Variants in GPR39 observed in about 807,000 individuals in gnomAD.
GPR39 encodes G protein-coupled receptor 39.
In GPR39, 23 loss-of-function variants were observed where a neutral mutation model predicts 18.4. The ratio of observed to expected loss-of-function variants is 1.25; its 90% CI spans 0.90 to 1.77. GPR39 has a LOEUF of 1.77. Among genes scored for constraint, GPR39 ranks in the 40% most tolerant of loss-of-function variants. The pLI, the probability that GPR39 is intolerant of heterozygous loss-of-function variation, is 0.00. For missense variants in GPR39, 647 were observed against 602.4 expected, an observed-to-expected ratio of 1.07 and a Z score of -0.78; for synonymous variants, 280 against 257.9, an observed-to-expected ratio of 1.09 and a Z score of -0.82.
chr2:132,561,899 T>C (rs1345586118), intron 1 of GPR39, among the ~76,000 whole-genome samples: 1 of 152,176 alleles, frequency 6.6e-6, no homozygotes, highest in Non-Finnish European at 1.5e-5. Context: ...CATTTAGGCT[T>C]TCAGCTGATT....
intron 1 of GPR39, among the ~76,000 whole-genome samples, chr2:132,491,665 G>A (rs1021891335): frequency 6.6e-6 from 1 of 151,892 alleles, no homozygotes; most frequent in Non-Finnish European, 1.5e-5. Flanking sequence ...TGTGGGGAAG[G>A]GGTTAGGAAT....
intron 1 of GPR39, among the ~76,000 whole-genome samples, chr2:132,636,385 G>A (rs1681756482): frequency 6.6e-6 from 1 of 152,130 alleles, no homozygotes; most frequent in Admixed American, 6.5e-5. Context: ...GTCCTCCCAG[G>A]GTCTGGGAGC....
chr2:132,550,306 G>A (rs1680019794), intron 1 of GPR39, among the ~76,000 whole-genome samples: 1 of 152,206 alleles, frequency 6.6e-6, no homozygotes. Context: ...GGAGGCGTTG[G>A]ATCAGTCCCC....
At position 132,615,745 on chromosome 2, in the gene GPR39, A is replaced by G. The variant is rs75060703; in HGVS notation, c.857-29356A>G. Among the ~76,000 whole-genome samples the G allele has an allele frequency of 2.5e-3, 376 of 152,276 alleles. 2 individuals are homozygous for G. Among genetic ancestry groups the G allele is most frequent in the African/African-American group, 8.6e-3 (358 of 41,550 alleles). On this transcript the variant is annotated intron_variant, in intron 1 of 1. Coordinates refer to ENST00000329321, the MANE Select transcript of GPR39 (RefSeq NM_001508.3). Reference sequence around the variant, plus strand: ...ATATTTAATTGAAATTCTACTTTTTAGAGGTTCACTTGCAAGTCACTGTTT... The same window carrying G: ...ATATTTAATTGAAATTCTACTTTTTGGAGGTTCACTTGCAAGTCACTGTTT...
At chr2:132,508,950 G>A (rs1424643342) in intron 1 of GPR39, among the ~76,000 whole-genome samples, 3 of 152,194 alleles carry the variant, frequency 2.0e-5, no homozygotes. Flanking sequence ...CATTAAATTT[G>A]CAAGCTCTTT....
intron 1 of GPR39, among the ~76,000 whole-genome samples, chr2:132,541,153 G>A (rs922850195): frequency 7.2e-5 from 11 of 151,990 alleles, no homozygotes; most frequent in African/African-American, 1.4e-4. Flanking sequence ...GCACAATCTC[G>A]GCTCACTGCA....
In GPR39 at chr2:132,530,055, G is replaced by C. The variant is rs939464178; in HGVS notation, c.856+112157G>C. ...AGCCTTCAGAAGATCAACCTACTCT[G>C]AGCTAAAGGAGGAAGTTCGAACCAA... On this transcript the variant is annotated intron_variant, in intron 1 of 1. Coordinates refer to ENST00000329321, the MANE Select transcript of GPR39 (RefSeq NM_001508.3). 3.9e-5 allele frequency among the ~76,000 whole-genome samples: 6 copies of C among 152,084 alleles called. No homozygotes were observed. In the East Asian group the frequency reaches 1.2e-3, roughly 29 times the overall value.
intron 1 of GPR39, among the ~76,000 whole-genome samples, chr2:132,549,141 C>A (rs973153159): frequency 2.0e-5 from 3 of 152,170 alleles, no homozygotes; most frequent in Non-Finnish European, 2.9e-5. Flanking sequence ...TAGGCAGGAG[C>A]AGAGCCTTGC....
chr2:132,446,430 G>A (rs1252717600), intron 1 of GPR39, among the ~76,000 whole-genome samples: 9 of 152,232 alleles, frequency 5.9e-5, no homozygotes, highest in Non-Finnish European at 1.2e-4. Context: ...TGCCTTGGAA[G>A]CATTCATTTA....
intron 1 of GPR39, among the ~76,000 whole-genome samples, chr2:132,601,683 T>G: frequency 6.6e-6 from 1 of 151,820 alleles, no homozygotes; most frequent in Admixed American, 6.5e-5. Flanking sequence ...GCCTAAAGAC[T>G]TCACCAAAAA....
intron 1 of GPR39, among the ~76,000 whole-genome samples, chr2:132,582,342 A>G (rs1473861870): frequency 6.6e-6 from 1 of 152,256 alleles, no homozygotes. Flanking sequence ...GTTTCAATTC[A>G]TGATTACATG....
chr2:132,469,376 G>C (rs1680988152), intron 1 of GPR39, among the ~76,000 whole-genome samples: 1 of 152,208 alleles, frequency 6.6e-6, no homozygotes, highest in South Asian at 2.1e-4. Flanking sequence ...TTAATGAAAG[G>C]TTATATTGGC....
intron 1 of GPR39, among the ~76,000 whole-genome samples, chr2:132,609,683 G>C (rs1316590785): frequency 6.6e-6 from 1 of 152,192 alleles, no homozygotes; most frequent in African/African-American, 2.4e-5. Context: ...AATCACTGCA[G>C]TCCCCTTCTG....
chr2:132,637,998 AG>A (rs752036780), intron 1 of GPR39, among the ~76,000 whole-genome samples: 2 of 152,186 alleles, frequency 1.3e-5, no homozygotes, highest in Non-Finnish European at 2.9e-5. Flanking sequence ...GTAGGGAGCA[AG>A]AGGGAAAAAT....
intron 1 of GPR39, among the ~76,000 whole-genome samples, chr2:132,527,865 C>T (rs1679542124): frequency 6.6e-6 from 1 of 150,452 alleles, no homozygotes; most frequent in South Asian, 2.1e-4. Context: ...GATTGCAAAA[C>T]TTTTCTTCAC....
rs151117079 is a variant in GPR39, at chr2:132,464,448, C to T, written c.856+46550C>T. On this transcript the variant is annotated intron_variant, in intron 1 of 1. Coordinates refer to ENST00000329321, the MANE Select transcript of GPR39 (RefSeq NM_001508.3). ...ATGCCTAGACTATTTGTACAAACAA[C>T]CTAGTTTATTCTGATCACTCATTTC... 3.5e-3 allele frequency among the ~76,000 whole-genome samples: 538 copies of T among 152,280 alleles called. 3 individuals carry two copies. The highest frequency in any genetic ancestry group is 0.012 in the African/African-American group (493 of 41,560).
intron 1 of GPR39, among the ~76,000 whole-genome samples, chr2:132,545,502 T>TA (rs1558834474): frequency 6.6e-6 from 1 of 152,152 alleles, no homozygotes; most frequent in Non-Finnish European, 1.5e-5. Context: ...ATGTTCTAGT[T>TA]AAAAAATAAA....
rs536887710 is a variant in GPR39 at position 132,540,208 on chromosome 2, C to A, written c.857-104893C>A. Among the ~76,000 whole-genome samples the A allele has an allele frequency of 2.7e-4, 41 of 152,040 alleles. 1 individual carries two copies. Among genetic ancestry groups the A allele is most frequent in the Non-Finnish European group, 5.7e-4 (39 of 67,994 alleles). On this transcript the variant is annotated intron_variant, in intron 1 of 1. Transcript: ENST00000329321. ...ATGTAGAAAACTTTTCCTTCCAATG[C>A]AAAATATAAAACTTAAAATTGTCAT...
chr2:132,453,816 C>T (rs776968620), intron 1 of GPR39, among the ~76,000 whole-genome samples: 10 of 152,046 alleles, frequency 6.6e-5, no homozygotes, highest in Admixed American at 2.6e-4. Context: ...TTTCTGAGGC[C>T]TCTCTTCTGT....
Sources: gnomAD v4.1 joint callset for allele counts (sites outside exome capture counted in the v4.1 genomes callset) on GRCh38, gnomAD v4.1.1 for gene constraint, MANE v1.5 for transcripts, NCBI Gene and HGNC (gene_info 2026-07-23, HGNC 2026-07-21) for gene names.